The following UGGT2 variants were observed in gnomAD, a reference collection of about 807,000 sequenced individuals.
UGGT2 encodes UDP-glucose:glycoprotein glucosyltransferase 2.
UGGT2 carries 180 observed loss-of-function variants against 192.1 expected under a neutral mutation model. The observed-to-expected ratio is 0.94, with a 90% CI of 0.83 to 1.06. The LOEUF is 1.06. Ranked by LOEUF, UGGT2 falls within the 50% of genes least tolerant of loss-of-function variation. The pLI is 0.00. For missense variants in UGGT2, 1,849 were observed against 1,795.7 expected (o/e 1.03, Z -0.54); for synonymous variants, 580 against 591.0 (o/e 0.98, Z 0.27).
chr13:95,820,887 G>A (rs1226808962), intron 38 of UGGT2, among the ~76,000 whole-genome samples: 2 of 151,970 alleles, frequency 1.3e-5, no homozygotes, highest in Non-Finnish European at 1.5e-5. Context: ...ACTTCACTTA[G>A]AATAATGGCC....
rs745813571 is a variant in UGGT2 at position 95,947,981 on chromosome 13, T to C, written c.1541+15A>G. 38 of 1,592,966 alleles carry C rather than the reference T, an allele frequency of 2.4e-5. No individual in the cohort carries two copies. Among genetic ancestry groups the C allele is most frequent in the Admixed American group, 1.2e-4 (7 of 59,774 alleles). On this transcript the variant is annotated intron_variant, in intron 14 of 38. Transcript: ENST00000376747. ...TCCTTTAGTTGACAGTTTAATGCTA[T>C]AAAATGACAATTACCTAAGAGGAAC...
intron 5 of UGGT2, among the ~76,000 whole-genome samples, chr13:96,008,557 A>G (rs1183991006): frequency 6.6e-6 from 1 of 152,218 alleles, no homozygotes; most frequent in East Asian, 1.9e-4. Flanking sequence ...TCAATGTACA[A>G]AAATCACTAG....
chr13:95,905,926 T>A (rs1371871914), intron 20 of UGGT2, among the ~76,000 whole-genome samples: 1 of 152,204 alleles, frequency 6.6e-6, no homozygotes, highest in Non-Finnish European at 1.5e-5. Flanking sequence ...AGATTACCCT[T>A]ACTGTTCCAT....
intron 8 of UGGT2, among the ~76,000 whole-genome samples, chr13:95,987,235 C>T (rs552588808): frequency 6.6e-6 from 1 of 152,220 alleles, no homozygotes; most frequent in East Asian, 1.9e-4. Context: ...TTTATATATT[C>T]TCTCTACTCA....
At chr13:95,809,389 ATCT>A (rs1448218209) in intron 38 of UGGT2, 5 of 401,198 alleles carry the variant, frequency 1.2e-5, no homozygotes, top group African/African-American at 2.1e-5. Flanking sequence ...CTGCAGGCAA[ATCT>A]TCTTTACTTT....
intron 5 of UGGT2, among the ~76,000 whole-genome samples, chr13:96,009,259 T>C (rs2052079749): frequency 6.6e-6 from 1 of 152,026 alleles, no homozygotes; most frequent in African/African-American, 2.4e-5. Flanking sequence ...ACCTAGGAAA[T>C]ACCATTCTGG....
rs759419799 is a variant in UGGT2, at chr13:95,854,492, G to C, written c.4009-17C>G. The C allele has an allele frequency of 1.3e-6, 2 of 1,587,792 alleles. No homozygotes were observed. The highest frequency in any genetic ancestry group is 1.2e-5 in the South Asian group (1 of 86,218). On this transcript the variant is annotated splice_polypyrimidine_tract_variant and intron_variant, in intron 34 of 38. Coordinates refer to ENST00000376747, the MANE Select transcript of UGGT2 (RefSeq NM_020121.4). The stretch of plus-strand genomic sequence containing the variant: ...TCTCACAATCTAAATAATTAAAATA[G>C]ACTGTCTGATAAAGACTGTAAAATA...
In UGGT2 at chr13:96,004,190, AC is replaced by A. The variant is rs1180091388; in HGVS notation, c.661-4884del. Among the ~76,000 whole-genome samples, 317 of 149,746 alleles carry A rather than the reference AC, an allele frequency of 2.1e-3. 1 individual carries two copies. Among genetic ancestry groups the A allele is most frequent in the African/African-American group, 7.0e-3 (287 of 41,120 alleles). ...AGCAACTCTAGGAAAAAAAAAAAAA[AC>A]ATATTTGTTTTTAAAATTTTTTATT... is the stretch of plus-strand genomic sequence containing the variant. On this transcript the variant is annotated intron_variant, in intron 5 of 38. Transcript: ENST00000376747.
At chr13:95,916,271 G>C (rs992444859) in intron 20 of UGGT2, among the ~76,000 whole-genome samples, 2 of 152,160 alleles carry the variant, frequency 1.3e-5, no homozygotes, top group Non-Finnish European at 2.9e-5. Flanking sequence ...GAAGCAACTA[G>C]GGTCTGGAGT....
intron 4 of UGGT2, among the ~76,000 whole-genome samples, chr13:96,014,353 C>A (rs1566825849): frequency 6.6e-6 from 1 of 152,150 alleles, no homozygotes; most frequent in African/African-American, 2.4e-5. Flanking sequence ...AACATTCCTA[C>A]AGCACGTTAG....
At chr13:95,997,610 T>C (rs569783162) in intron 6 of UGGT2, among the ~76,000 whole-genome samples, 1 of 151,806 alleles carries the variant, frequency 6.6e-6, no homozygotes, top group East Asian at 1.9e-4. Flanking sequence ...ACCACTGCAC[T>C]CCAGCCTGGG....
chr13:95,948,281 AT>A (rs778164157), intron 13 of UGGT2, among the ~76,000 whole-genome samples, 200 bp from the exon 14 acceptor site: 40 of 151,416 alleles, frequency 2.6e-4, no homozygotes, highest in Non-Finnish European at 5.7e-4. Context: ...TTTATGAAGG[AT>A]TTCTAAAAGC....
In UGGT2 at chr13:95,814,576, G is replaced by A. The variant is rs191414733; in HGVS notation, c.4529-12764C>T. ...TTTTTTATTTTACAGGCTCATAGGC[G>A]AAGGGATTTGCCTCAGATCTCATGT... is the stretch of plus-strand genomic sequence containing the variant. On this transcript the variant is annotated intron_variant, in intron 38 of 38. Coordinates refer to ENST00000376747, the MANE Select transcript of UGGT2 (RefSeq NM_020121.4). Among the ~76,000 whole-genome samples the A allele has an allele frequency of 3.3e-5, 5 of 152,224 alleles. No individual in the cohort carries two copies. In the East Asian group the frequency reaches 5.8e-4, roughly 18 times the overall value.
intron 5 of UGGT2, among the ~76,000 whole-genome samples, chr13:96,010,590 G>A (rs1189652694): frequency 3.3e-5 from 5 of 152,010 alleles, no homozygotes; most frequent in African/African-American, 9.7e-5. Context: ...TGGCATATAG[G>A]TTGAAAAAGA....
At position 95,890,876 on chromosome 13, in the gene UGGT2, C is replaced by A. The variant is rs779154702; in HGVS notation, c.2944G>T (p.Ala982Ser). Residue 982 changes from alanine (A) to serine (S), a missense_variant, in exon 25 of 39, where the codon GCA (alanine) becomes TCA (serine). Transcript: ENST00000376747. ...DPLTREAQKMAQLLVVLGKII... is the reference protein window; with the variant it reads ...DPLTREAQKMSQLLVVLGKII... ...TATTATCTTACAACCAACAACTGTG[C>A]CATTTTCTGTGCTTCTCTTGTTAAT... 2 of 1,611,588 alleles carry A rather than the reference C, an allele frequency of 1.2e-6. No homozygotes were observed. The highest frequency in any genetic ancestry group is 1.7e-6 in the Non-Finnish European group (2 of 1,178,760).
chr13:95,954,562 T>C (rs1017543703), intron 12 of UGGT2, among the ~76,000 whole-genome samples: 1 of 152,238 alleles, frequency 6.6e-6, no homozygotes, highest in Non-Finnish European at 1.5e-5. Flanking sequence ...TCTCCACTAC[T>C]GCTTATCTTA....
At chr13:95,959,244 C>G (rs901204264) in intron 12 of UGGT2, among the ~76,000 whole-genome samples, 2 of 152,194 alleles carry the variant, frequency 1.3e-5, no homozygotes, top group Admixed American at 1.3e-4. Context: ...TTGCTGCAAA[C>G]TGTGTGTGTG....
chr13:95,947,871 T>G, intron 14 of UGGT2, 125 bp downstream of exon 14: 1 of 665,174 alleles, frequency 1.5e-6, no homozygotes, highest in Non-Finnish European at 2.6e-6. Context: ...AACGTGCAGC[T>G]GTGTTATGTC....
At chr13:95,802,546 G>T (rs999600928) in intron 38 of UGGT2, among the ~76,000 whole-genome samples, 1 of 152,204 alleles carries the variant, frequency 6.6e-6, no homozygotes, top group Admixed American at 6.5e-5. Context: ...TTGGGGCAAA[G>T]TTACCAATGA....
Sources: allele counts gnomAD v4.1 joint callset (sites outside exome capture counted in the v4.1 genomes callset), GRCh38; gene constraint gnomAD v4.1.1; transcripts MANE v1.5; gene names NCBI Gene and HGNC (gene_info 2026-07-23, HGNC 2026-07-21).